PVT1: variants seen among roughly 807,000 people sequenced by gnomAD.
PVT1 encodes Pvt1 oncogene.
At chr8:127,866,209 C>T (rs1395016860) in intron 2 of PVT1, among the ~76,000 whole-genome samples, 3 of 152,202 alleles carry the variant, frequency 2.0e-5, no homozygotes. Flanking sequence ...ATCATATCTG[C>T]TGGCTGTGTC....
intron 4 of PVT1, among the ~76,000 whole-genome samples, chr8:128,016,027 A>C (rs1817368708): frequency 6.6e-6 from 1 of 152,034 alleles, no homozygotes; most frequent in Non-Finnish European, 1.5e-5. Flanking sequence ...TAGAAGGGGG[A>C]TGGTCTTTGG....
At chr8:127,889,223 T>G (rs1815568370) in intron 2 of PVT1, among the ~76,000 whole-genome samples, 1 of 151,734 alleles carries the variant, frequency 6.6e-6, no homozygotes, top group Admixed American at 6.6e-5. Flanking sequence ...TCCGTCTCCT[T>G]GGTTTAAGCG....
chr8:128,025,439 G>A (rs553184532), intron 4 of PVT1, among the ~76,000 whole-genome samples: 1 of 152,240 alleles, frequency 6.6e-6, no homozygotes, highest in Non-Finnish European at 1.5e-5. Flanking sequence ...CACTGGCAAG[G>A]TGCCTGAGAG....
At position 127,875,260 on chromosome 8, in the gene PVT1, CAG is replaced by C. The variant is rs199767552; in HGVS notation, n.373-15326_373-15325del. On this transcript the variant is annotated intron_variant and non_coding_transcript_variant, in intron 2 of 10. Coordinates refer to ENST00000651587, the Ensembl canonical transcript of PVT1. ...GGTTTGTGAGAGCCAGGAGGGTACACAGAGGTGGCCTGATTTCTGGAGCCATA... is the reference window on the plus strand; with the variant it reads ...GGTTTGTGAGAGCCAGGAGGGTACACAGGTGGCCTGATTTCTGGAGCCATA... Among the ~76,000 whole-genome samples, 7 of 152,078 alleles carry C rather than the reference CAG, an allele frequency of 4.6e-5. No individual in the cohort carries two copies. The East Asian group carries it at 1.2e-3, about 25-fold the overall frequency.
chr8:127,955,564 G>A (rs1407115219), intron 3 of PVT1, among the ~76,000 whole-genome samples: 1 of 152,050 alleles, frequency 6.6e-6, no homozygotes, highest in Non-Finnish European at 1.5e-5. Flanking sequence ...ATGCCCAAGA[G>A]TCTGTAATCC....
chr8:127,874,556 A>G (rs1216097030), intron 2 of PVT1, among the ~76,000 whole-genome samples: 1 of 152,150 alleles, frequency 6.6e-6, no homozygotes, highest in African/African-American at 2.4e-5. Flanking sequence ...TAACACAAGT[A>G]TGAGACTGGT....
intron 5 of PVT1, among the ~76,000 whole-genome samples, chr8:128,092,011 C>T (rs1274353017): frequency 3.9e-5 from 6 of 152,128 alleles, no homozygotes; most frequent in East Asian, 3.8e-4. Context: ...GGTCAACAAC[C>T]GGACTGAGCT....
In PVT1 at chr8:127,914,822, T is replaced by G. The variant is rs140141990; in HGVS notation, n.782+23824T>G. 1.8e-3 allele frequency among the ~76,000 whole-genome samples: 275 copies of G among 151,390 alleles called. 3 individuals carry two copies. The highest frequency in any genetic ancestry group is 6.1e-3 in the African/African-American group (251 of 41,264). On this transcript the variant is annotated intron_variant and non_coding_transcript_variant, in intron 3 of 10. Coordinates refer to ENST00000651587, the Ensembl canonical transcript of PVT1. ...GGTACAAAGTTGTTGTTGGTTTTTT[T>G]TTTTTTTTTTTTGAGACCGAGTTTC...
intron 2 of PVT1, among the ~76,000 whole-genome samples, chr8:127,810,099 G>C (rs1314480106): frequency 2.0e-5 from 3 of 152,228 alleles, no homozygotes; most frequent in Non-Finnish European, 2.9e-5. Context: ...CCTCTGGAAA[G>C]GGAGAGGAGC....
At chr8:127,800,981 C>G (rs1814458633) in intron 2 of PVT1, among the ~76,000 whole-genome samples, 1 of 152,126 alleles carries the variant, frequency 6.6e-6, no homozygotes, top group African/African-American at 2.4e-5. Flanking sequence ...CATGGAGGAG[C>G]TGACGTTAAC....
In PVT1 at chr8:128,060,905, C is replaced by CTTTT. The variant is rs35320355; in HGVS notation, n.913-9236_913-9233dup. Among the ~76,000 whole-genome samples, 154 of 123,614 alleles carry CTTTT rather than the reference C, an allele frequency of 1.2e-3. 2 individuals carry two copies. Among genetic ancestry groups the CTTTT allele is most frequent in the African/African-American group, 2.8e-3 (91 of 32,318 alleles). The allele number at this position is 123,614 out of a possible 152,430, so 81.1% of individuals were successfully genotyped here. A position where few individuals can be genotyped will look rare whatever the true frequency, so the allele number is the denominator to read the frequency against. ...TTCTATCCCCAGTCCTAGGCAACTACTTTTTTTTTTTTTTTTTTTTTTGAG... is the reference window on the plus strand; with the variant it reads ...TTCTATCCCCAGTCCTAGGCAACTACTTTTTTTTTTTTTTTTTTTTTTTTTTGAG... On this transcript the variant is annotated intron_variant and non_coding_transcript_variant, in intron 4 of 10. Coordinates refer to ENST00000651587, the Ensembl canonical transcript of PVT1.
intron 2 of PVT1, among the ~76,000 whole-genome samples, chr8:127,889,920 T>G (rs1307702726): frequency 6.6e-6 from 1 of 152,192 alleles, no homozygotes; most frequent in East Asian, 1.9e-4. Flanking sequence ...CCCTAGGCAT[T>G]GTGGATCAAT....
At chr8:127,850,227 T>C (rs372775200) in intron 2 of PVT1, among the ~76,000 whole-genome samples, 1 of 152,122 alleles carries the variant, frequency 6.6e-6, no homozygotes, top group Admixed American at 6.5e-5. Flanking sequence ...TAGGCAAAGG[T>C]GTGCCTCCCT....
chr8:127,827,517 G>A (rs1440603024), intron 2 of PVT1, among the ~76,000 whole-genome samples: 1 of 152,088 alleles, frequency 6.6e-6, no homozygotes, highest in East Asian at 1.9e-4. Context: ...CTCCTAACCA[G>A]CCCCCTTCAC....
intron 2 of PVT1, among the ~76,000 whole-genome samples, chr8:127,830,776 C>T (rs1430579677): frequency 6.6e-6 from 1 of 151,762 alleles, no homozygotes; most frequent in Non-Finnish European, 1.5e-5. Context: ...GAAGGCAGAC[C>T]CACCCTTAAG....
chr8:127,863,153 C>G (rs1014067123), intron 2 of PVT1, among the ~76,000 whole-genome samples: 1 of 151,226 alleles, frequency 6.6e-6, no homozygotes, highest in Admixed American at 6.6e-5. Flanking sequence ...GCTCTGTCAC[C>G]CAGGCTGGAG....
chr8:127,918,742 G>A (rs917382476), intron 3 of PVT1, among the ~76,000 whole-genome samples: 3 of 152,200 alleles, frequency 2.0e-5, no homozygotes, highest in African/African-American at 7.2e-5. Flanking sequence ...GGTCAGGTTA[G>A]GTTGTGCAAC....
At position 127,891,673 on chromosome 8, in the gene PVT1, G is replaced by T. The variant is rs142490857; in HGVS notation, n.782+675G>T. On this transcript the variant is annotated intron_variant and non_coding_transcript_variant, in intron 3 of 10. Coordinates refer to ENST00000651587, the Ensembl canonical transcript of PVT1. ...AGCATGTGGTGGGTGATGTTGGCTGGGGGTAGCTTTTGGGGATGGTGGACA... is the reference window on the plus strand; with the variant it reads ...AGCATGTGGTGGGTGATGTTGGCTGTGGGTAGCTTTTGGGGATGGTGGACA... 1.3e-3 allele frequency among the ~76,000 whole-genome samples: 199 copies of T among 152,320 alleles called. 1 individual carries two copies. The highest frequency in any genetic ancestry group is 4.7e-3 in the African/African-American group (194 of 41,560).
At chr8:127,918,090 C>T (rs914171564) in intron 3 of PVT1, among the ~76,000 whole-genome samples, 24 of 152,218 alleles carry the variant, frequency 1.6e-4, no homozygotes, top group Admixed American at 1.4e-3. Context: ...CGCTCTGCAG[C>T]GCTGCCTTTC....
Sources: allele counts gnomAD v4.1 joint callset (sites outside exome capture counted in the v4.1 genomes callset), GRCh38; gene constraint gnomAD v4.1.1; transcripts MANE v1.5; gene names NCBI Gene and HGNC (gene_info 2026-07-23, HGNC 2026-07-21).